ZFAND3: variants seen among roughly 807,000 people sequenced by gnomAD.
ZFAND3 encodes the protein zinc finger AN1-type containing 3, also known as AN1-type zinc finger protein 3.
In ZFAND3, 10 loss-of-function variants were observed where a neutral mutation model predicts 29.6. The ratio of observed to expected loss-of-function variants is 0.34; its 90% confidence interval spans 0.21 to 0.57. The LOEUF is 0.57. Ranked by LOEUF, ZFAND3 falls within the 20% of genes least tolerant of loss-of-function variation. The pLI is 0.86. For synonymous variants in ZFAND3, 128 were observed against 112.6 expected (o/e 1.14, Z -0.87); for missense variants, 230 against 304.5 (o/e 0.76, Z 1.82).
chr6:38,022,261 G>A (rs926940102), intron 2 of ZFAND3, among the ~76,000 whole-genome samples: 2 of 152,134 alleles, frequency 1.3e-5, no homozygotes, highest in Non-Finnish European at 2.9e-5. Context: ...TCTAAAATCA[G>A]CATCTATTAT....
chr6:37,850,183 A>C (rs1050918414), intron 1 of ZFAND3, among the ~76,000 whole-genome samples: 6 of 152,214 alleles, frequency 3.9e-5, no homozygotes, highest in African/African-American at 1.4e-4. Context: ...TAGATGACTG[A>C]AACATAACCA....
chr6:37,937,690 G>T (rs1230286885), intron 2 of ZFAND3, among the ~76,000 whole-genome samples: 1 of 147,320 alleles, frequency 6.8e-6, no homozygotes, highest in Non-Finnish European at 1.5e-5. Context: ...AAAAGTAACT[G>T]CTGCTCTTAA....
intron 5 of ZFAND3, among the ~76,000 whole-genome samples, chr6:38,131,100 G>A (rs1388494699): frequency 6.6e-6 from 1 of 152,064 alleles, no homozygotes; most frequent in Non-Finnish European, 1.5e-5. Flanking sequence ...GTGCATAATG[G>A]TGTTCATAGT....
chr6:38,117,939 C>T (rs1765453938), intron 5 of ZFAND3, among the ~76,000 whole-genome samples: 1 of 152,184 alleles, frequency 6.6e-6, no homozygotes, highest in South Asian at 2.1e-4. Flanking sequence ...GACCAGATAC[C>T]TGTTTGTTAC....
chr6:37,916,907 T>A (rs1010269868), intron 1 of ZFAND3, among the ~76,000 whole-genome samples: 2 of 152,218 alleles, frequency 1.3e-5, no homozygotes, highest in Non-Finnish European at 2.9e-5. Context: ...CCACACTATG[T>A]ATACACTACC....
chr6:37,925,834 C>T (rs565219222), intron 1 of ZFAND3, among the ~76,000 whole-genome samples: 1 of 152,072 alleles, frequency 6.6e-6, no homozygotes, highest in East Asian at 1.9e-4. Context: ...ATTTGAAATA[C>T]TAAGTTTGAG....
In ZFAND3 at chr6:37,840,066, A is replaced by G. The variant is rs557500973; in HGVS notation, c.71+20050A>G. ...ACTATGTTTTCTCTAATAGTTTTAC[A>G]GTTTTAGCTCTTATTTTACATTTAA... On this transcript the variant is annotated intron_variant, in intron 1 of 5. Coordinates refer to ENST00000287218, the MANE Select transcript of ZFAND3 (RefSeq NM_021943.3). Among the ~76,000 whole-genome samples the G allele has an allele frequency of 3.3e-5, 5 of 151,814 alleles. No homozygotes were observed. In the East Asian group the frequency reaches 9.7e-4, roughly 29 times the overall value.
intron 2 of ZFAND3, among the ~76,000 whole-genome samples, chr6:38,025,535 G>C (rs1304196209): frequency 6.6e-6 from 1 of 151,342 alleles, no homozygotes; most frequent in African/African-American, 2.4e-5. Context: ...TTTTTGGTCT[G>C]TTTTGTTCTT....
At chr6:38,072,123 A>T (rs1430684274) in intron 3 of ZFAND3, among the ~76,000 whole-genome samples, 1 of 135,898 alleles carries the variant, frequency 7.4e-6, no homozygotes, top group East Asian at 2.2e-4. Context: ...GAATAATGAG[A>T]GTCATTTTCT....
intron 2 of ZFAND3, among the ~76,000 whole-genome samples, chr6:37,934,732 G>A (rs112286792): frequency 5.4e-4 from 81 of 149,284 alleles, no homozygotes; most frequent in Non-Finnish European, 1.1e-3. Flanking sequence ...CCAGCTACTC[G>A]GGAGGCTGAG....
intron 1 of ZFAND3, among the ~76,000 whole-genome samples, chr6:37,894,846 A>G (rs1048319654): frequency 6.6e-6 from 1 of 152,198 alleles, no homozygotes; most frequent in African/African-American, 2.4e-5. Flanking sequence ...TTAGCATGCA[A>G]CATCTCTAAT....
chr6:38,120,597 A>AT (rs1319559568), intron 5 of ZFAND3, among the ~76,000 whole-genome samples: 1 of 151,952 alleles, frequency 6.6e-6, no homozygotes, highest in Admixed American at 6.6e-5. Context: ...AAGTGTTAGG[A>AT]TTACAGGCAT....
In ZFAND3 at chr6:37,866,027, A is replaced by G. The variant is rs906790611; in HGVS notation, c.71+46011A>G. On this transcript the variant is annotated intron_variant, in intron 1 of 5. Transcript: ENST00000287218. ...CTGCTGTAGAGATGGAGGTCTCACTATATTGTCCCGGCTGGTCTCAAATTC... is the reference window on the plus strand; with the variant it reads ...CTGCTGTAGAGATGGAGGTCTCACTGTATTGTCCCGGCTGGTCTCAAATTC... Among the ~76,000 whole-genome samples the G allele has an allele frequency of 9.9e-5, 15 of 152,136 alleles. 1 individual carries two copies. Among genetic ancestry groups the G allele is most frequent in the Admixed American group, 3.3e-4 (5 of 15,272 alleles).
chr6:37,950,399 T>G (rs1761977141), intron 2 of ZFAND3, among the ~76,000 whole-genome samples: 1 of 150,274 alleles, frequency 6.7e-6, no homozygotes, highest in Admixed American at 6.6e-5. Flanking sequence ...TTTTTCTGAG[T>G]CAGAGTCTCG....
At chr6:38,120,789 C>T (rs1180758762) in intron 5 of ZFAND3, among the ~76,000 whole-genome samples, 1 of 152,154 alleles carries the variant, frequency 6.6e-6, no homozygotes, top group African/African-American at 2.4e-5. Flanking sequence ...TATTAACCTC[C>T]TGAGTAATCT....
intron 4 of ZFAND3, among the ~76,000 whole-genome samples, chr6:38,104,744 A>G (rs1765174810): frequency 6.6e-6 from 1 of 152,244 alleles, no homozygotes; most frequent in Non-Finnish European, 1.5e-5. Flanking sequence ...TAAATTAATA[A>G]TCATATTTGG....
intron 2 of ZFAND3, among the ~76,000 whole-genome samples, chr6:38,011,065 C>A (rs1763142953): frequency 6.6e-6 from 1 of 151,972 alleles, no homozygotes; most frequent in African/African-American, 2.4e-5. Flanking sequence ...TCTAAAAATT[C>A]ATATTAATGG....
chr6:37,989,468 T>G (rs939345798), intron 2 of ZFAND3, among the ~76,000 whole-genome samples: 10 of 152,122 alleles, frequency 6.6e-5, no homozygotes, highest in African/African-American at 2.4e-4. Flanking sequence ...AGAGATCAGC[T>G]CTCTTGTTTC....
At chr6:37,981,206 T>C (rs1762574804) in intron 2 of ZFAND3, among the ~76,000 whole-genome samples, 1 of 152,182 alleles carries the variant, frequency 6.6e-6, no homozygotes, top group Admixed American at 6.5e-5. Context: ...TTTGGCTGAC[T>C]TAGGATGGTA....
Sources: allele counts gnomAD v4.1 joint callset (sites outside exome capture counted in the v4.1 genomes callset), GRCh38; gene constraint gnomAD v4.1.1; transcripts MANE v1.5; gene names NCBI Gene and HGNC (gene_info 2026-07-23, HGNC 2026-07-21).